The following LRR1 variants were observed in gnomAD, a reference collection of about 807,000 sequenced individuals.
LRR1 encodes leucine-rich repeat protein 1.
A neutral mutation model predicts 31.6 loss-of-function variants in LRR1; 29 were observed. That is an observed-to-expected ratio of 0.92 (90% CI 0.68 to 1.25). The LOEUF (loss-of-function observed/expected upper bound fraction) is 1.25, where lower values mean the gene tolerates loss of function less well. LRR1 is among the 50% of genes most tolerant of loss of function. The pLI is 0.00. For synonymous variants in LRR1, 179 were observed against 181.4 expected (o/e 0.99, Z 0.10); for missense variants, 485 against 487.2 (o/e 1.00, Z 0.04).
At position 49,602,399 on chromosome 14, in the gene LRR1, C is replaced by T; in HGVS notation, c.213C>T (p.Thr71=). ...GGGAGAACATTGAGCAATTCTTCAC[C>T]AAATTTGTAGATGAGGGGAAAGCCA... The part of the protein sequence containing the change: ...ELRENIEQFF[T]KFVDEGKATV... Residue 71 remains threonine, a synonymous_variant, in exon 2 of 4, where the codon ACC becomes ACT. Coordinates refer to ENST00000298288, the MANE Select transcript of LRR1 (RefSeq NM_152329.4). 6.2e-7 allele frequency: 1 copy of T among 1,613,568 alleles called. No homozygotes were observed. Among genetic ancestry groups the T allele is most frequent in the African/African-American group, 1.3e-5 (1 of 74,914 alleles).
intron 1 of LRR1, chr14:49,599,863 C>A (rs1455929897): frequency 2.3e-6 from 1 of 430,704 alleles, no homozygotes; most frequent in Non-Finnish European, 3.5e-6. Context: ...CTGCTTGGGG[C>A]CGGGGGGGCG....
In LRR1 at chr14:49,614,267, G is replaced by GCT; in HGVS notation, c.1020_1021dup (p.His341LeufsTer25). The GCT allele has an allele frequency of 6.2e-7, 1 of 1,612,174 alleles. No individual in the cohort carries two copies. On this transcript the variant is annotated frameshift_variant, in exon 4 of 4. Transcript: ENST00000298288. LOFTEE classifies it high-confidence loss of function. ...ATTCTTTCCAATAGGATTCCATATG[G>GCT]CTCTCATATCATTCCATTCCATCTC...
intron 3 of LRR1, 34 bp downstream of exon 3, chr14:49,608,155 T>C (rs1319380014): frequency 2.0e-6 from 3 of 1,505,672 alleles, no homozygotes; most frequent in Non-Finnish European, 2.6e-6. Context: ...TGTGGTGTCT[T>C]TGATAGCATT....
In LRR1 at chr14:49,607,855, C is replaced by T; in HGVS notation, c.738C>T (p.Cys246=). The T allele has an allele frequency of 6.2e-7, 1 of 1,613,790 alleles. No homozygotes were observed. The highest frequency in any genetic ancestry group is 1.7e-5 in the Admixed American group (1 of 59,924). The stretch of plus-strand genomic sequence containing the variant: ...TCAAGGCACTCCCTGTGCAGTTTTG[C>T]CAGCTCCAGGAACTTAAGAATTTAA... ...NKIKALPVQF[C]QLQELKNLKL... is the part of the protein sequence containing the mutation. The change falls in exon 3 of 4, where the codon TGC becomes TGT. Residue 246 remains cysteine, a synonymous_variant. Coordinates refer to ENST00000298288, the MANE Select transcript of LRR1 (RefSeq NM_152329.4).
At chr14:49,599,264 C>A in intron 1 of LRR1, 61 bp downstream of exon 1, 36 of 1,488,236 alleles carry the variant, frequency 2.4e-5, no homozygotes, top group Non-Finnish European at 3.2e-5. Flanking sequence ...AGACGCGGGC[C>A]ACCCTCGGTC....
intron 3 of LRR1, among the ~76,000 whole-genome samples, chr14:49,613,188 A>T (rs188947144): frequency 5.3e-5 from 8 of 151,710 alleles, no homozygotes; most frequent in African/African-American, 1.9e-4. Context: ...AAATACAAAA[A>T]ATTAGCCAGG....
chr14:49,608,159 TAGC>T, intron 3 of LRR1, 38 bp downstream of exon 3: 1 of 1,502,778 alleles, frequency 6.7e-7, no homozygotes, highest in South Asian at 1.4e-5. Context: ...GTGTCTTTGA[TAGC>T]ATTCTAATAT....
intron 3 of LRR1, among the ~76,000 whole-genome samples, chr14:49,608,501 A>G (rs1203016440): frequency 3.1e-5 from 3 of 98,210 alleles, no homozygotes; most frequent in South Asian, 3.6e-4. Flanking sequence ...TTTTTTGTTT[A>G]CTGTCAGTTT....
At position 49,608,003 on chromosome 14, in the gene LRR1, C is replaced by G; in HGVS notation, c.886C>G (p.Leu296Val). The G allele has an allele frequency of 6.2e-7, 1 of 1,613,940 alleles. No homozygotes were observed. The highest frequency in any genetic ancestry group is 8.5e-7 in the Non-Finnish European group (1 of 1,179,984). ...FLPSEFRNLS[L>V]EYLDLFGNTF... ...GCCTAGTGAATTTAGAAATTTATCC[C>G]TTGAATACTTGGATCTTTTTGGAAA... is the stretch of plus-strand genomic sequence containing the variant. The change falls in exon 3 of 4, where the codon CTT (leucine) becomes GTT (valine). Residue 296 changes from leucine (L) to valine (V), a missense_variant. Transcript: ENST00000298288.
intron 2 of LRR1, among the ~76,000 whole-genome samples, chr14:49,603,301 C>T (rs932751090): frequency 2.0e-4 from 31 of 152,240 alleles, no homozygotes; most frequent in African/African-American, 7.2e-4. Context: ...AAGTCTGCCT[C>T]AGTAAGATTC....
At position 49,606,033 on chromosome 14, in the gene LRR1, C is replaced by CT. The variant is rs544111582; in HGVS notation, c.283-1353dup. 3.4e-3 allele frequency among the ~76,000 whole-genome samples: 419 copies of CT among 124,432 alleles called. 1 individual carries two copies. Among genetic ancestry groups the CT allele is most frequent in the Non-Finnish European group, 5.2e-3 (306 of 58,592 alleles). 81.6% of individuals were successfully genotyped at this position (124,432 alleles called of 152,430 possible). On this transcript the variant is annotated intron_variant, in intron 2 of 3. Transcript: ENST00000298288. ...AACAAAAATTAGCTTTTTTTTTTTTCTTTTTTTTTTTTTTATATGGAGTCG... is the reference window on the plus strand; with the variant it reads ...AACAAAAATTAGCTTTTTTTTTTTTCTTTTTTTTTTTTTTTATATGGAGTCG...
chr14:49,602,007 C>G (rs1468577389), intron 1 of LRR1, among the ~76,000 whole-genome samples: 1 of 151,720 alleles, frequency 6.6e-6, no homozygotes, highest in Non-Finnish European at 1.5e-5. Flanking sequence ...GTGGCACGCA[C>G]CTGTAATCCG....
Position 49,614,401 on chromosome 14 carries a change from G to T in LRR1, c.1150G>T (p.Val384Phe), listed in dbSNP as rs1882623483. 6.2e-7 allele frequency: 1 copy of T among 1,613,848 alleles called. No individual in the cohort carries two copies. Among genetic ancestry groups the T allele is most frequent in the Non-Finnish European group, 8.5e-7 (1 of 1,179,952 alleles). The change falls in exon 4 of 4, where the codon GTC becomes TTC. Residue 384 changes from valine (V) to phenylalanine (F), a missense_variant. By Grantham distance (50) the Val-to-Phe change is conservative (BLOSUM62 -1). Transcript: ENST00000298288. ...MNLHSVAHTVVLVDNLGGTEA... is the reference protein window; with the variant it reads ...MNLHSVAHTVFLVDNLGGTEA... Reference sequence around the variant, plus strand: ...TCTGCATTCTGTTGCCCACACTGTGGTCTTAGTAGATAATTTGGGTGGTAC... The same window carrying T: ...TCTGCATTCTGTTGCCCACACTGTGTTCTTAGTAGATAATTTGGGTGGTAC...
intron 1 of LRR1, chr14:49,601,601 C>A: frequency 1.6e-6 from 2 of 1,288,626 alleles, no homozygotes; most frequent in Non-Finnish European, 2.0e-6. Flanking sequence ...TTGTATATAA[C>A]CTACTGGGAG....
In LRR1 at chr14:49,601,388, G is replaced by A. The variant is rs529947704; in HGVS notation, c.184-982G>A. The stretch of plus-strand genomic sequence containing the variant: ...GTCCCAAGCCCCTATTAGAGTACCT[G>A]GTACATAGTGGGTTCTGAATCAATA... On this transcript the variant is annotated intron_variant, in intron 1 of 3. Coordinates refer to ENST00000298288, the MANE Select transcript of LRR1 (RefSeq NM_152329.4). Among the ~76,000 whole-genome samples, 51 of 152,218 alleles carry A rather than the reference G, an allele frequency of 3.4e-4. No individual in the cohort carries two copies. The South Asian group carries it at 6.8e-3, about 20-fold the overall frequency.
chr14:49,614,234 T>A, intron 3 of LRR1, 22 bp from the exon 4 acceptor site: 1 of 1,596,824 alleles, frequency 6.3e-7, no homozygotes, highest in African/African-American at 1.3e-5. Flanking sequence ...TTATAAAATA[T>A]TTTTATCATT....
intron 1 of LRR1, chr14:49,600,126 C>A: frequency 1.9e-6 from 3 of 1,568,956 alleles, no homozygotes; most frequent in East Asian, 4.5e-5. Flanking sequence ...CGTCTTCGAC[C>A]ACTACACAGT....
At chr14:49,608,217 CT>C in intron 3 of LRR1, 96 bp downstream of exon 3, 18 of 1,273,490 alleles carry the variant, frequency 1.4e-5, no homozygotes, top group Non-Finnish European at 1.8e-5. Flanking sequence ...GCTTACAGTG[CT>C]ATGCACAGTC....
At chr14:49,614,187 A>C in intron 3 of LRR1, 69 bp from the exon 4 acceptor site, 1 of 1,462,922 alleles carries the variant, frequency 6.8e-7, no homozygotes, top group Non-Finnish European at 9.2e-7. Context: ...TTAAAATTCC[A>C]TGTCCTAATA....
Sources: allele counts gnomAD v4.1 joint callset (sites outside exome capture counted in the v4.1 genomes callset), GRCh38; gene constraint gnomAD v4.1.1; transcripts MANE v1.5; gene names NCBI Gene and HGNC (gene_info 2026-07-23, HGNC 2026-07-21).